Variants in GALNT13 observed in about 807,000 individuals in gnomAD.
GALNT13 encodes the protein UDP-GalNAc:polypeptide N-acetylgalactosaminyltransferase 13.
GALNT13 carries 28 observed loss-of-function variants against 64.2 expected under a neutral mutation model. The observed-to-expected ratio is 0.44, with a 90% CI of 0.32 to 0.60. The LOEUF is 0.60. Ranked by LOEUF, GALNT13 falls within the 20% of genes least tolerant of loss-of-function variation. The pLI is 0.05. For synonymous variants in GALNT13, 214 were observed against 224.6 expected (o/e 0.95, Z 0.42); for missense variants, 577 against 669.8 (o/e 0.86, Z 1.53).
chr2:153,314,592 T>C, the GALNT13 span, among the ~76,000 whole-genome samples: 1 of 152,108 alleles, frequency 6.6e-6, no homozygotes, highest in East Asian at 1.9e-4. Context: ...GTATATTTTC[T>C]AATAACAATG....
At chr2:153,285,695 AAAC>A in the GALNT13 span, among the ~76,000 whole-genome samples, 1 of 152,164 alleles carries the variant, frequency 6.6e-6, no homozygotes, top group African/African-American at 2.4e-5. Context: ...CTAAATGTCA[AAAC>A]AATAGAGGCA....
At position 154,324,151 on chromosome 2, in the gene GALNT13, A is replaced by G. The variant is rs74684506; in HGVS notation, c.1156+22562A>G. 2.1e-3 allele frequency among the ~76,000 whole-genome samples: 324 copies of G among 152,042 alleles called. 13 individuals are homozygous for G. The East Asian group carries it at 0.051, about 24-fold the overall frequency. On this transcript the variant is annotated intron_variant, in intron 9 of 12. Coordinates refer to ENST00000392825, the MANE Select transcript of GALNT13 (RefSeq NM_052917.4). ...TATTCATTTCTTCTCTATTGTTCCA[A>G]TGAGAATTCCTCGATTTTGTTGAAA...
At chr2:153,405,350 A>G in the GALNT13 span, among the ~76,000 whole-genome samples, 2 of 152,216 alleles carry the variant, frequency 1.3e-5, no homozygotes, top group Non-Finnish European at 1.5e-5. Context: ...GACTGCAAGA[A>G]TGCACCTTAG....
chr2:154,007,705 G>A (rs1269988641), intron 3 of GALNT13, among the ~76,000 whole-genome samples: 2 of 151,848 alleles, frequency 1.3e-5, no homozygotes, highest in Non-Finnish European at 2.9e-5. Context: ...GATAGAGAAG[G>A]GAATGCTAAC....
intron 1 of GALNT13, among the ~76,000 whole-genome samples, chr2:153,888,193 G>A (rs1337574212): frequency 6.6e-6 from 1 of 151,866 alleles, no homozygotes; most frequent in Non-Finnish European, 1.5e-5. Context: ...AACTGCTGGT[G>A]GGAATTTAAT....
intron 3 of GALNT13, among the ~76,000 whole-genome samples, chr2:154,029,076 C>T (rs1166163162): frequency 6.6e-6 from 1 of 151,616 alleles, no homozygotes; most frequent in African/African-American, 2.4e-5. Context: ...TATAGCAACC[C>T]TATTGACTGC....
chr2:153,954,542 G>A (rs1451807021), intron 3 of GALNT13, among the ~76,000 whole-genome samples: 1 of 150,878 alleles, frequency 6.6e-6, no homozygotes, highest in African/African-American at 2.4e-5. Context: ...AGTAATGTCA[G>A]GAATAACAAT....
At chr2:153,759,655 T>G in the GALNT13 span, among the ~76,000 whole-genome samples, 1 of 152,138 alleles carries the variant, frequency 6.6e-6, no homozygotes, top group African/African-American at 2.4e-5. Context: ...TGTGATAAAT[T>G]CTACTTGATC....
chr2:154,023,512 G>GC (rs1202827918), intron 3 of GALNT13, among the ~76,000 whole-genome samples: 3 of 152,126 alleles, frequency 2.0e-5, no homozygotes, highest in Non-Finnish European at 4.4e-5. Flanking sequence ...GACTAGGATT[G>GC]CAACCCCTGC....
chr2:153,644,341 G>T, the GALNT13 span, among the ~76,000 whole-genome samples: 1 of 151,960 alleles, frequency 6.6e-6, no homozygotes, highest in African/African-American at 2.4e-5. Context: ...TTTTCCTCCT[G>T]AATAATGAAA....
At chr2:153,823,425 G>A in the GALNT13 span, among the ~76,000 whole-genome samples, 12 of 152,022 alleles carry the variant, frequency 7.9e-5, no homozygotes, top group Non-Finnish European at 1.2e-4. Flanking sequence ...CAAAACAGAC[G>A]CATAGACCAG....
rs940968931 is a variant in GALNT13, at chr2:154,389,333, A to T, written c.1157-6658A>T. ...TTGGTGTTTTTAGTAGAGACAGGGT[A>T]TCACCATCTTGGCCACGCTGGTGTT... On this transcript the variant is annotated intron_variant, in intron 9 of 12. Transcript: ENST00000392825. Among the ~76,000 whole-genome samples, 10 of 152,090 alleles carry T rather than the reference A, an allele frequency of 6.6e-5. 1 individual carries two copies. The highest frequency in any genetic ancestry group is 1.2e-4 in the African/African-American group (5 of 41,424).
the GALNT13 span, among the ~76,000 whole-genome samples, chr2:153,624,068 G>A: frequency 6.6e-6 from 1 of 152,010 alleles, no homozygotes; most frequent in Admixed American, 6.6e-5. Context: ...AGTGGGTGAG[G>A]GAGTTGGTTA....
At chr2:153,902,066 C>G (rs1688273858) in intron 2 of GALNT13, among the ~76,000 whole-genome samples, 1 of 152,152 alleles carries the variant, frequency 6.6e-6, no homozygotes, top group Non-Finnish European at 1.5e-5. Context: ...CCCTTTTGGA[C>G]TCTGGTGATC....
At chr2:154,295,249 CT>C (rs1692850885) in intron 8 of GALNT13, among the ~76,000 whole-genome samples, 1 of 152,012 alleles carries the variant, frequency 6.6e-6, no homozygotes, top group Non-Finnish European at 1.5e-5. Flanking sequence ...CCAATTATTG[CT>C]TTTATGCTCT....
chr2:154,337,887 T>C (rs1358765186), intron 9 of GALNT13, among the ~76,000 whole-genome samples: 1 of 152,076 alleles, frequency 6.6e-6, no homozygotes, highest in Non-Finnish European at 1.5e-5. Context: ...CTCATTTATA[T>C]TAGTAAAGCT....
the GALNT13 span, among the ~76,000 whole-genome samples, chr2:153,511,849 G>A: frequency 6.6e-6 from 1 of 152,170 alleles, no homozygotes; most frequent in African/African-American, 2.4e-5. Context: ...GGAAATGAGA[G>A]GTAGGGATAG....
At chr2:153,315,200 T>TAG in the GALNT13 span, among the ~76,000 whole-genome samples, 1 of 152,206 alleles carries the variant, frequency 6.6e-6, no homozygotes, top group African/African-American at 2.4e-5. Flanking sequence ...TGCAGACTAT[T>TAG]AGAACAAAAT....
the GALNT13 span, among the ~76,000 whole-genome samples, chr2:153,199,204 T>C: frequency 6.6e-6 from 1 of 152,226 alleles, no homozygotes; most frequent in South Asian, 2.1e-4. Context: ...AGTATGTCTT[T>C]CATAGGAATG....
Sources: gnomAD v4.1 joint callset for allele counts (sites outside exome capture counted in the v4.1 genomes callset) on GRCh38, gnomAD v4.1.1 for gene constraint, MANE v1.5 for transcripts, NCBI Gene and HGNC (gene_info 2026-07-23, HGNC 2026-07-21) for gene names.